CADM2: variants seen among roughly 807,000 people sequenced by gnomAD.
CADM2 encodes the protein immunoglobulin superfamily member 4D.
In CADM2, 12 loss-of-function variants were observed where a neutral mutation model predicts 49.8. That is an observed-to-expected ratio of 0.24 (90% CI 0.15 to 0.39). CADM2 has a LOEUF of 0.39. CADM2 is among the 10% of genes least tolerant of loss of function. The probability of loss-of-function intolerance (pLI) is 1.00; values close to 1 mark genes in which losing one functional copy is unlikely to be tolerated. For missense variants in CADM2, 378 were observed against 492.3 expected (o/e 0.77, Z 2.20); for synonymous variants, 214 against 175.4 (o/e 1.22, Z -1.74).
At chr3:85,255,550 A>AC (rs1160774847) in intron 1 of CADM2, among the ~76,000 whole-genome samples, 4 of 152,120 alleles carry the variant, frequency 2.6e-5, no homozygotes, top group African/African-American at 9.7e-5. Flanking sequence ...TGTAAAAAAA[A>AC]AAGTGATAAT....
intron 5 of CADM2, among the ~76,000 whole-genome samples, chr3:85,907,764 A>G (rs1716999397): frequency 6.6e-6 from 1 of 152,092 alleles, no homozygotes; most frequent in South Asian, 2.1e-4. Flanking sequence ...TGCAAAAATT[A>G]GCTGAGTGTT....
intron 1 of CADM2, among the ~76,000 whole-genome samples, chr3:85,526,435 A>G (rs1423614577): frequency 1.3e-5 from 2 of 152,192 alleles, no homozygotes; most frequent in East Asian, 3.8e-4. Flanking sequence ...AAGCCTCCTT[A>G]TACTAGGAAT....
At chr3:85,395,408 T>C in intron 1 of CADM2, among the ~76,000 whole-genome samples, 1 of 152,048 alleles carries the variant, frequency 6.6e-6, no homozygotes, top group East Asian at 1.9e-4. Flanking sequence ...AATGTAACAT[T>C]ATTACTTTAA....
At chr3:85,448,867 G>A (rs962116838) in intron 1 of CADM2, among the ~76,000 whole-genome samples, 1 of 151,400 alleles carries the variant, frequency 6.6e-6, no homozygotes, top group African/African-American at 2.4e-5. Flanking sequence ...TGGCTAACAC[G>A]GTGAAACCCC....
At chr3:84,996,789 T>C (rs896179298) in intron 1 of CADM2, among the ~76,000 whole-genome samples, 1 of 152,138 alleles carries the variant, frequency 6.6e-6, no homozygotes, top group Non-Finnish European at 1.5e-5. Context: ...AAAAATACTC[T>C]AGCAATGTCC....
At chr3:85,076,994 T>C (rs948791428) in intron 1 of CADM2, among the ~76,000 whole-genome samples, 1 of 152,046 alleles carries the variant, frequency 6.6e-6, no homozygotes, top group African/African-American at 2.4e-5. Context: ...ACAATAATAA[T>C]AATAATTTCA....
intron 1 of CADM2, among the ~76,000 whole-genome samples, chr3:85,674,531 C>G (rs1173442962): frequency 6.6e-6 from 1 of 151,978 alleles, no homozygotes; most frequent in Non-Finnish European, 1.5e-5. Context: ...CTCTAGAGAG[C>G]TCTTTTCGTT....
chr3:85,645,918 A>G (rs927318018), intron 1 of CADM2, among the ~76,000 whole-genome samples: 9 of 152,068 alleles, frequency 5.9e-5, no homozygotes, highest in African/African-American at 1.7e-4. Flanking sequence ...TCTTGACCCT[A>G]GATATACTCC....
chr3:85,874,618 G>T (rs994746533), intron 3 of CADM2, among the ~76,000 whole-genome samples: 1 of 151,996 alleles, frequency 6.6e-6, no homozygotes, highest in Non-Finnish European at 1.5e-5. Flanking sequence ...AAATTGTTAT[G>T]GTTCAAATAC....
At chr3:85,176,775 A>G (rs1043150023) in intron 1 of CADM2, among the ~76,000 whole-genome samples, 2 of 152,170 alleles carry the variant, frequency 1.3e-5, no homozygotes, top group Admixed American at 6.5e-5. Context: ...ATTATTTTCT[A>G]CTTTAGATAT....
rs899856528 is a variant in CADM2 at position 86,014,677 on chromosome 3, A to G, written c.971-50928A>G. ...TCTCTGGTACCCTCAGTCATGGGACAACTCAAATTCAATACACCGGAGGAA... is the reference window on the plus strand; with the variant it reads ...TCTCTGGTACCCTCAGTCATGGGACGACTCAAATTCAATACACCGGAGGAA... On this transcript the variant is annotated intron_variant, in intron 8 of 9. Coordinates refer to ENST00000383699, the MANE Select transcript of CADM2 (RefSeq NM_001167675.2). 1.0e-5 allele frequency: 16 copies of G among 1,550,684 alleles called. No homozygotes were observed. In the Admixed American group the frequency reaches 2.6e-4, roughly 25 times the overall value.
At chr3:85,359,429 A>G (rs2032142390) in intron 1 of CADM2, among the ~76,000 whole-genome samples, 1 of 151,418 alleles carries the variant, frequency 6.6e-6, no homozygotes, top group African/African-American at 2.4e-5. Context: ...ATAAATTAAA[A>G]TCAACATCTG....
Position 84,959,659 on chromosome 3 carries a change from C to T in CADM2, c.52C>T (p.Leu18=), listed in dbSNP as rs927203499. 2.0e-6 allele frequency: 3 copies of T among 1,536,992 alleles called. No individual in the cohort carries two copies. The highest frequency in any genetic ancestry group is 1.4e-5 in the African/African-American group (1 of 73,016). Residue 18 remains leucine (L), a synonymous_variant, in exon 1 of 10, where the codon CTG becomes TTG. Transcript: ENST00000383699. ...VLRFYSVCGL[L]LQAAASKNKV... ...CCGCTTCTACAGTGTCTGCGGGCTC[C>T]TGCTACAAGGTAATCCCCGCCCCGG...
At chr3:85,833,451 A>T (rs147911231) in intron 3 of CADM2, among the ~76,000 whole-genome samples, 3 of 151,778 alleles carry the variant, frequency 2.0e-5, no homozygotes, top group African/African-American at 7.2e-5. Flanking sequence ...CTGTGAATCC[A>T]TCTGATCCAG....
chr3:85,454,773 A>G (rs954041306), intron 1 of CADM2, among the ~76,000 whole-genome samples: 2 of 152,246 alleles, frequency 1.3e-5, no homozygotes, highest in Admixed American at 1.3e-4. Flanking sequence ...ATTACATGCA[A>G]CTATCGTTGT....
rs577216068 is a variant in CADM2, at chr3:85,488,270, T to C, written c.62-238252T>C. On this transcript the variant is annotated intron_variant, in intron 1 of 9. Coordinates refer to ENST00000383699, the MANE Select transcript of CADM2 (RefSeq NM_001167675.2). ...TGTAAATTAAATTATTTTCCTCTAA[T>C]GTTAAAGTGCTCCTTGTCCCAATTC... is the stretch of plus-strand genomic sequence containing the variant. Among the ~76,000 whole-genome samples the C allele has an allele frequency of 6.6e-5, 10 of 152,274 alleles. 1 individual carries two copies. Among genetic ancestry groups the C allele is most frequent in the Admixed American group, 4.6e-4 (7 of 15,296 alleles).
In CADM2 at chr3:86,069,114, C is replaced by A. The variant is rs1334315844; in HGVS notation, c.*2331C>A. Reference sequence around the variant, plus strand: ...ATTTCAGGATGCACTTACAAAATTGCTACTCTTCATCGATGCCGTATTTAC... The same window carrying A: ...ATTTCAGGATGCACTTACAAAATTGATACTCTTCATCGATGCCGTATTTAC... On this transcript the variant is annotated 3_prime_UTR_variant, in exon 10 of 10. Coordinates refer to ENST00000383699, the MANE Select transcript of CADM2 (RefSeq NM_001167675.2). 6.6e-6 allele frequency: 1 copy of A among 151,922 alleles called. No homozygotes were observed. Among genetic ancestry groups the A allele is most frequent in the East Asian group, 1.9e-4 (1 of 5,192 alleles). 9.4% of individuals were successfully genotyped at this position (151,922 alleles called of 1,614,324 possible). A position where few individuals can be genotyped will look rare whatever the true frequency, so the allele number is the denominator to read the frequency against.
chr3:85,096,084 A>G (rs1402377358), intron 1 of CADM2, among the ~76,000 whole-genome samples: 1 of 152,150 alleles, frequency 6.6e-6, no homozygotes, highest in South Asian at 2.1e-4. Context: ...AATTTCTTCT[A>G]TAAGAAAATA....
intron 6 of CADM2, among the ~76,000 whole-genome samples, chr3:85,924,618 A>AATAC (rs1719591345): frequency 6.6e-6 from 1 of 151,668 alleles, no homozygotes; most frequent in South Asian, 2.1e-4. Context: ...TAAATAAATA[A>AATAC]ATAAATAAGA....
Sources: gnomAD v4.1 joint callset for allele counts (sites outside exome capture counted in the v4.1 genomes callset) on GRCh38, gnomAD v4.1.1 for gene constraint, MANE v1.5 for transcripts, NCBI Gene and HGNC (gene_info 2026-07-23, HGNC 2026-07-21) for gene names.